Variants in SNX24 observed in about 807,000 individuals in gnomAD.
The protein encoded by SNX24 is sorting nexin-24.
SNX24 carries 22 observed loss-of-function variants against 28.7 expected under a neutral mutation model. That is an observed-to-expected ratio of 0.77 (90% CI 0.55 to 1.10). SNX24 has a LOEUF of 1.10. Ranked by LOEUF, SNX24 falls within the 50% of genes least tolerant of loss-of-function variation. The pLI, the probability that SNX24 is intolerant of heterozygous loss-of-function variation, is 0.00. For synonymous variants in SNX24, 69 were observed against 71.5 expected (o/e 0.96, Z 0.18); for missense variants, 221 against 201.1 (o/e 1.10, Z -0.60).
chr5:122,968,018 A>G (rs1760786750), intron 3 of SNX24, among the ~76,000 whole-genome samples: 1 of 152,194 alleles, frequency 6.6e-6, no homozygotes, highest in Admixed American at 6.5e-5. Flanking sequence ...TTGAACATGG[A>G]TGTTTTTAAA....
intron 1 of SNX24, among the ~76,000 whole-genome samples, chr5:122,936,466 T>TA (rs1293042292): frequency 6.6e-6 from 1 of 152,166 alleles, no homozygotes; most frequent in African/African-American, 2.4e-5. Flanking sequence ...ATTATTTTAT[T>TA]AAAAAATTAG....
rs370028835 is a variant in SNX24 at position 123,019,629 on chromosome 5, T to C, written n.384-9609T>C. ...ACTTGTAAGAGAACAAAATAAATTA[T>C]GGCTAAGAATACCAAAATATTTTAA... On this transcript the variant is annotated intron_variant and non_coding_transcript_variant, in intron 5 of 5. Coordinates refer to the SNX24 transcript ENST00000502387. 1.8e-4 allele frequency among the ~76,000 whole-genome samples: 28 copies of C among 152,368 alleles called. No individual in the cohort carries two copies. The East Asian group carries it at 4.4e-3, about 24-fold the overall frequency.
At chr5:122,848,207 A>G (rs1754729313) in intron 1 of SNX24, among the ~76,000 whole-genome samples, 1 of 152,106 alleles carries the variant, frequency 6.6e-6, no homozygotes, top group Non-Finnish European at 1.5e-5. Context: ...GGCTCAAGTG[A>G]TCCTTCCCCC....
At chr5:122,893,782 G>A (rs1432397392) in intron 1 of SNX24, among the ~76,000 whole-genome samples, 1 of 152,142 alleles carries the variant, frequency 6.6e-6, no homozygotes, top group Non-Finnish European at 1.5e-5. Flanking sequence ...AGTGGCTCAC[G>A]CCTGTAATCC....
intron 1 of SNX24, among the ~76,000 whole-genome samples, chr5:122,852,923 G>A (rs1181272249): frequency 6.6e-6 from 1 of 151,966 alleles, no homozygotes; most frequent in Non-Finnish European, 1.5e-5. Context: ...AGGGCAGCAG[G>A]ATGTCAGGAA....
Position 122,999,925 on chromosome 5 carries a change from A to G in SNX24, c.263A>G (p.Glu88Gly), listed in dbSNP as rs1274069203. 6.2e-7 allele frequency: 1 copy of G among 1,610,476 alleles called. No individual in the cohort carries two copies. The highest frequency in any genetic ancestry group is 1.1e-5 in the South Asian group (1 of 91,006). The change falls in exon 4 of 7, where the codon GAA becomes GGA. Residue 88 changes from glutamate (E) to glycine (G), a missense_variant. Transcript: ENST00000261369. ...LETYLQAVIL[E>G]NEELPKLFLD... Reference sequence around the variant, plus strand: ...CTGCTTTCACAGGCTGTCATTTTAGAAAATGAAGAACTTCCCAAACTGTTT... The same window carrying G: ...CTGCTTTCACAGGCTGTCATTTTAGGAAATGAAGAACTTCCCAAACTGTTT...
chr5:122,913,605 G>C (rs1431744777), intron 1 of SNX24, among the ~76,000 whole-genome samples: 1 of 151,976 alleles, frequency 6.6e-6, no homozygotes. Flanking sequence ...GCCGGGCGGA[G>C]GGTCTCCTCA....
At chr5:123,011,298 G>A (rs572492253), downstream of SNX24, among the ~76,000 whole-genome samples, 1 of 152,190 alleles carries the variant, frequency 6.6e-6, no homozygotes, top group South Asian at 2.1e-4. Context: ...TGCCTGGACT[G>A]TCTTCGATGC....
chr5:122,894,485 T>C (rs530710105), intron 1 of SNX24, among the ~76,000 whole-genome samples: 12 of 152,300 alleles, frequency 7.9e-5, no homozygotes, highest in Admixed American at 2.0e-4. Flanking sequence ...ATCCTCCTCA[T>C]TGGTAGTGGC....
At position 123,007,672 on chromosome 5, in the gene SNX24, T is replaced by G. The variant is rs1762462780; in HGVS notation, c.443-10T>G. 6.4e-7 allele frequency: 1 copy of G among 1,571,366 alleles called. No individual in the cohort carries two copies. On this transcript the variant is annotated splice_polypyrimidine_tract_variant and intron_variant, in intron 6 of 6. Transcript: ENST00000261369. ...TCTTTTTTTTTTCTTTTTTTTTTTC[T>G]TTTTTTCAGATTTTCCAAATGTGGT...
chr5:122,959,616 T>C (rs1760383730), intron 3 of SNX24, among the ~76,000 whole-genome samples: 1 of 152,098 alleles, frequency 6.6e-6, no homozygotes, highest in Non-Finnish European at 1.5e-5. Flanking sequence ...TTATTTGCTT[T>C]TGCTGGTCAT....
At chr5:122,861,599 C>T (rs1393087721) in intron 1 of SNX24, among the ~76,000 whole-genome samples, 2 of 152,030 alleles carry the variant, frequency 1.3e-5, no homozygotes, top group East Asian at 3.9e-4. Context: ...AGCAGAAAAC[C>T]TTCCACAAAG....
At chr5:122,943,509 C>T (rs999315750) in intron 2 of SNX24, among the ~76,000 whole-genome samples, 1 of 152,216 alleles carries the variant, frequency 6.6e-6, no homozygotes, top group Non-Finnish European at 1.5e-5. Flanking sequence ...CTCCTCCCTG[C>T]TGTTCCATCT....
intron 1 of SNX24, among the ~76,000 whole-genome samples, chr5:122,921,084 C>T (rs1294541074): frequency 1.3e-5 from 2 of 151,826 alleles, no homozygotes; most frequent in African/African-American, 4.8e-5. Flanking sequence ...TATACATATA[C>T]GCACACATAC....
At chr5:122,959,767 C>T (rs914486913) in intron 3 of SNX24, among the ~76,000 whole-genome samples, 6 of 151,690 alleles carry the variant, frequency 4.0e-5, no homozygotes, top group African/African-American at 1.2e-4. Flanking sequence ...GGTAAATACT[C>T]GGGGTTCATT....
At chr5:122,876,632 C>G (rs1367254017) in intron 1 of SNX24, among the ~76,000 whole-genome samples, 1 of 152,184 alleles carries the variant, frequency 6.6e-6, no homozygotes, top group Admixed American at 6.5e-5. Context: ...AAGTATGATT[C>G]TATACCTCAA....
intron 3 of SNX24, among the ~76,000 whole-genome samples, chr5:122,966,306 A>G (rs992553695): frequency 6.6e-6 from 1 of 152,202 alleles, no homozygotes; most frequent in Non-Finnish European, 1.5e-5. Context: ...TCTAGGGTAC[A>G]TGTGCACAAC....
intron 3 of SNX24, among the ~76,000 whole-genome samples, chr5:122,957,930 T>C (rs1760284205): frequency 1.3e-5 from 2 of 152,162 alleles, no homozygotes; most frequent in African/African-American, 4.8e-5. Context: ...TTTTGTAGAG[T>C]CTTAAGGATT....
At chr5:122,995,779 T>C (rs1189130774) in intron 3 of SNX24, among the ~76,000 whole-genome samples, 4 of 152,186 alleles carry the variant, frequency 2.6e-5, no homozygotes. Flanking sequence ...GTGTGCCAAC[T>C]TGCATCCAGG....
Sources: allele counts gnomAD v4.1 joint callset (sites outside exome capture counted in the v4.1 genomes callset), GRCh38; gene constraint gnomAD v4.1.1; transcripts MANE v1.5; gene names NCBI Gene and HGNC (gene_info 2026-07-23, HGNC 2026-07-21).